The following MTMR10 variants were observed in gnomAD, a reference collection of about 807,000 sequenced individuals.
The protein encoded by MTMR10 is myotubularin related protein 10.
MTMR10 carries 56 observed loss-of-function variants against 88.1 expected under a neutral mutation model. That is an observed-to-expected ratio of 0.64 (90% CI 0.51 to 0.79). The LOEUF (loss-of-function observed/expected upper bound fraction) is 0.79. MTMR10 is among the 30% of genes least tolerant of loss of function. The probability of loss-of-function intolerance (pLI) is 0.00; values close to 1 mark genes in which losing one functional copy is unlikely to be tolerated. For missense variants in MTMR10, 883 were observed against 924.7 expected, an observed-to-expected ratio of 0.95 and a Z score of 0.58; for synonymous variants, 380 against 340.9, an observed-to-expected ratio of 1.11 and a Z score of -1.26.
intron 14 of MTMR10, among the ~76,000 whole-genome samples, chr15:30,945,329 G>C (rs956722629): frequency 6.6e-6 from 1 of 152,210 alleles, no homozygotes; most frequent in Non-Finnish European, 1.5e-5. Flanking sequence ...GGAAAGCAGA[G>C]GAAATACTTG....
At chr15:30,979,832 T>TC (rs2030436329) in intron 2 of MTMR10, among the ~76,000 whole-genome samples, 1 of 152,214 alleles carries the variant, frequency 6.6e-6, no homozygotes, top group African/African-American at 2.4e-5. Context: ...AGAATATACT[T>TC]AATGGGTCCA....
At chr15:30,981,057 G>A (rs2030537381) in intron 2 of MTMR10, among the ~76,000 whole-genome samples, 1 of 152,220 alleles carries the variant, frequency 6.6e-6, no homozygotes, top group African/African-American at 2.4e-5. Flanking sequence ...TGGACTCAAT[G>A]TCATAGACTG....
chr15:30,921,941 A>G, the MTMR10 span, among the ~76,000 whole-genome samples: 1 of 151,848 alleles, frequency 6.6e-6, no homozygotes. Flanking sequence ...ACCCTGTGCG[A>G]CTCTGCACTG....
At chr15:30,991,206 A>C (rs1040830918) in intron 1 of MTMR10, 1 of 484,018 alleles carries the variant, frequency 2.1e-6, no homozygotes, top group East Asian at 3.5e-5. Context: ...ACACTCCGCA[A>C]AACTACGGAC....
At position 30,942,802 on chromosome 15, in the gene MTMR10, G is replaced by A. The variant is rs3512; in HGVS notation, c.1731+88C>T. On this transcript the variant is annotated intron_variant, in intron 15 of 15. Transcript: ENST00000435680. ...CGCATTAGCAGTGTTACTCTTGGAA[G>A]TGCCTTTACTTTTAACGCTCTCTGT... 3.0e-6 allele frequency: 4 copies of A among 1,321,366 alleles called. No homozygotes were observed. In the Admixed American group the frequency reaches 1.1e-4, roughly 35 times the overall value. The allele number at this position is 1,321,366 out of a possible 1,614,324, so 81.9% of individuals were successfully genotyped here. A position where few individuals can be genotyped will look rare whatever the true frequency, so the allele number is the denominator to read the frequency against.
chr15:30,985,546 A>C (rs2030887184), intron 2 of MTMR10, among the ~76,000 whole-genome samples: 1 of 152,222 alleles, frequency 6.6e-6, no homozygotes. Flanking sequence ...TGGGCAAGTT[A>C]CTTAACCTCA....
At chr15:30,920,879 G>T in the MTMR10 span, among the ~76,000 whole-genome samples, 1 of 152,174 alleles carries the variant, frequency 6.6e-6, no homozygotes, top group African/African-American at 2.4e-5. Context: ...TGCCTCCCGG[G>T]CTCAAGTCAT....
chr15:30,969,500 G>A (rs942591578), intron 5 of MTMR10, among the ~76,000 whole-genome samples: 1 of 152,058 alleles, frequency 6.6e-6, no homozygotes, highest in Non-Finnish European at 1.5e-5. Flanking sequence ...AAGCTATGTT[G>A]CACTTTTCTC....
At chr15:30,948,583 A>C in intron 12 of MTMR10, 112 bp from the exon 13 acceptor site, 3 of 1,077,472 alleles carry the variant, frequency 2.8e-6, no homozygotes, top group South Asian at 1.5e-5. Flanking sequence ...GCTGCCTTCC[A>C]AATCTGTATA....
intron 9 of MTMR10, among the ~76,000 whole-genome samples, chr15:30,957,868 G>A: frequency 6.6e-6 from 1 of 152,216 alleles, no homozygotes; most frequent in East Asian, 1.9e-4. Context: ...AGGAGACATG[G>A]AAGGAGGAAA....
chr15:30,941,367 TTACATA>T lies in MTMR10; in HGVS notation c.*97_*102del. ...TTAGTGCAAATTCCAACTATTATTC[TTACATA>T]TAAAGTTATTAGAGATTCAAACGCC... On this transcript the variant is annotated 3_prime_UTR_variant, in exon 16 of 16. Coordinates refer to ENST00000435680, the MANE Select transcript of MTMR10 (RefSeq NM_017762.3). 2 of 1,539,198 alleles carry T rather than the reference TTACATA, an allele frequency of 1.3e-6. No homozygotes were observed. Among genetic ancestry groups the T allele is most frequent in the Admixed American group, 2.0e-5 (1 of 50,220 alleles).
chr15:30,939,657 A>AAAATAAAAT lies in MTMR10; in HGVS notation c.*1812_*1813insATTTTATTT. The AAAATAAAAT allele has an allele frequency of 2.1e-6, 2 of 945,290 alleles. No homozygotes were observed. Among genetic ancestry groups the AAAATAAAAT allele is most frequent in the Non-Finnish European group, 2.5e-6 (2 of 793,724 alleles). 58.6% of individuals were successfully genotyped at this position (945,290 alleles called of 1,614,324 possible). On this transcript the variant is annotated 3_prime_UTR_variant, in exon 16 of 16. Transcript: ENST00000435680. Reference sequence around the variant, plus strand: ...ACAACAATAAAATACTACAAGAGTTAAAATAAACGTGAAGGAAGAAAATTA... The same window carrying AAAATAAAAT: ...ACAACAATAAAATACTACAAGAGTTAAAATAAAATAAATAAACGTGAAGGAAGAAAATTA...
At position 30,946,526 on chromosome 15, in the gene MTMR10, C is replaced by T. The variant is rs73366532; in HGVS notation, c.1548+604G>A. ...CCCCGGAGCTCACTATGAGGGCAAT[C>T]CTCTTCCTAGAAAGGCTTCCTGAAG... On this transcript the variant is annotated intron_variant, in intron 14 of 15. Coordinates refer to ENST00000435680, the MANE Select transcript of MTMR10 (RefSeq NM_017762.3). 1.5e-3 allele frequency: 814 copies of T among 553,308 alleles called. 4 individuals carry two copies. The highest frequency in any genetic ancestry group is 0.013 in the African/African-American group (690 of 52,942). 34.3% of individuals were successfully genotyped at this position (553,308 alleles called of 1,614,324 possible). A position where few individuals can be genotyped will look rare whatever the true frequency, so the allele number is the denominator to read the frequency against.
chr15:30,950,030 A>T (rs765599381), intron 12 of MTMR10: 22 of 146,450 alleles, frequency 1.5e-4, no homozygotes, highest in Non-Finnish European at 3.1e-4. Flanking sequence ...CAAATTAAAA[A>T]TGGGTGAATT....
chr15:30,947,417 A>C, intron 13 of MTMR10, 117 bp from the exon 14 acceptor site: 1 of 1,208,148 alleles, frequency 8.3e-7, no homozygotes, highest in Non-Finnish European at 1.1e-6. Context: ...ATCGAAGCCT[A>C]AAACACTTGC....
intron 2 of MTMR10, among the ~76,000 whole-genome samples, chr15:30,979,604 G>A (rs569218938): frequency 6.6e-6 from 1 of 152,072 alleles, no homozygotes; most frequent in Non-Finnish European, 1.5e-5. Flanking sequence ...ATGATTTCAG[G>A]TTCCTGAGAA....
chr15:30,987,883 C>T (rs1281893247), intron 2 of MTMR10, among the ~76,000 whole-genome samples: 2 of 151,438 alleles, frequency 1.3e-5, no homozygotes, highest in African/African-American at 4.9e-5. Context: ...CCCCAACACC[C>T]CCGACAGGCC....
the MTMR10 span, chr15:30,926,426 A>T: frequency 5.4e-6 from 1 of 183,744 alleles, no homozygotes; most frequent in Non-Finnish European, 1.0e-5. Flanking sequence ...CAGGGTTACC[A>T]GTGTTAAAAA....
At chr15:30,923,206 A>C in the MTMR10 span, among the ~76,000 whole-genome samples, 5 of 152,106 alleles carry the variant, frequency 3.3e-5, no homozygotes, top group Admixed American at 2.0e-4. Flanking sequence ...TTGTTACCTC[A>C]CGTATCAGGG....
Sources: allele counts gnomAD v4.1 joint callset (sites outside exome capture counted in the v4.1 genomes callset), GRCh38; gene constraint gnomAD v4.1.1; transcripts MANE v1.5; gene names NCBI Gene and HGNC (gene_info 2026-07-23, HGNC 2026-07-21).